The following DLGAP2 variants were observed in gnomAD, a reference collection of about 807,000 sequenced individuals.
The protein encoded by DLGAP2 is DLG associated protein 2, also known as disks large-associated protein 2.
In DLGAP2, 26 loss-of-function variants were observed where a neutral mutation model predicts 100.3. That is an observed-to-expected ratio of 0.26 (90% confidence interval 0.19 to 0.36). DLGAP2 has a LOEUF of 0.36. DLGAP2 is among the 10% of genes least tolerant of loss of function. The probability of loss-of-function intolerance (pLI) is 1.00; values close to 1 mark genes in which losing one functional copy is unlikely to be tolerated. For missense variants in DLGAP2, 1,858 were observed against 1,453.2 expected (o/e 1.28, Z -4.53); for synonymous variants, 886 against 630.1 (o/e 1.41, Z -6.08).
At chr8:1,228,801 G>A (rs369373722) in intron 2 of DLGAP2, among the ~76,000 whole-genome samples, 5 of 152,038 alleles carry the variant, frequency 3.3e-5, no homozygotes, top group African/African-American at 9.7e-5. Context: ...TAACATATAC[G>A]AACAACCTAT....
At chr8:1,589,977 T>G (rs1016667671) in intron 6 of DLGAP2, among the ~76,000 whole-genome samples, 1 of 152,182 alleles carries the variant, frequency 6.6e-6, no homozygotes, top group African/African-American at 2.4e-5. Flanking sequence ...CCTCTCCAGT[T>G]CTGGGAGCCA....
chr8:918,811 C>G (rs1798648642), intron 2 of DLGAP2, among the ~76,000 whole-genome samples: 1 of 152,160 alleles, frequency 6.6e-6, no homozygotes, highest in East Asian at 1.9e-4. Flanking sequence ...TGAAGACAAA[C>G]TGATATAGTT....
intron 6 of DLGAP2, among the ~76,000 whole-genome samples, chr8:1,581,407 AC>A (rs1228842348): frequency 1.3e-4 from 20 of 151,124 alleles, no homozygotes; most frequent in African/African-American, 4.6e-4. Context: ...TACAGAAAAA[AC>A]CCCACACACA....
intron 1 of DLGAP2, among the ~76,000 whole-genome samples, chr8:769,741 C>T (rs1402181054): frequency 1.3e-5 from 2 of 152,274 alleles, no homozygotes; most frequent in East Asian, 1.9e-4. Context: ...CCTAGGGACA[C>T]GAGCCTCTTG....
intron 3 of DLGAP2, among the ~76,000 whole-genome samples, chr8:1,271,452 A>G (rs891358299): frequency 6.6e-6 from 1 of 152,178 alleles, no homozygotes; most frequent in African/African-American, 2.4e-5. Flanking sequence ...TTTGTTGATT[A>G]TTCACTTCAT....
At chr8:1,158,571 T>A (rs13273049) in intron 2 of DLGAP2, among the ~76,000 whole-genome samples, 1 of 152,210 alleles carries the variant, frequency 6.6e-6, no homozygotes, top group East Asian at 1.9e-4. Context: ...CTGCTCTCTT[T>A]TCATGGCTTT....
intron 1 of DLGAP2, among the ~76,000 whole-genome samples, chr8:868,135 T>A (rs1454171638): frequency 6.6e-6 from 1 of 152,194 alleles, no homozygotes; most frequent in Non-Finnish European, 1.5e-5. Flanking sequence ...ATTATTTATA[T>A]TTAAGGAGTG....
intron 8 of DLGAP2, among the ~76,000 whole-genome samples, chr8:1,635,835 T>C (rs929928160): frequency 6.6e-6 from 1 of 152,212 alleles, no homozygotes; most frequent in Non-Finnish European, 1.5e-5. Flanking sequence ...CATGGACAGG[T>C]TGAGGTTCCC....
At position 1,360,319 on chromosome 8, in the gene DLGAP2, G is replaced by A. The variant is rs538940033; in HGVS notation, c.106+101436G>A. Among the ~76,000 whole-genome samples the A allele has an allele frequency of 1.6e-3, 219 of 140,752 alleles. 4 individuals are homozygous for A. Among genetic ancestry groups the A allele is most frequent in the African/African-American group, 5.6e-3 (214 of 38,078 alleles). The allele number at this position is 140,752 out of a possible 152,430, so 92.3% of individuals were successfully genotyped here. ...CCGGGGCGGGGCTTCTCCGGGGCGG[G>A]GCTTCTCCAGGACGGTGCTTTCAAC... On this transcript the variant is annotated intron_variant, in intron 3 of 14. Transcript: ENST00000637795.
intron 2 of DLGAP2, among the ~76,000 whole-genome samples, chr8:1,023,756 A>C (rs970926283): frequency 6.6e-6 from 1 of 151,792 alleles, no homozygotes; most frequent in Non-Finnish European, 1.5e-5. Flanking sequence ...GCCCCACCTC[A>C]TTCTGCAGCG....
At chr8:960,237 CTT>C (rs71528625) in intron 2 of DLGAP2, among the ~76,000 whole-genome samples, 2 of 44,640 alleles carry the variant, frequency 4.5e-5, no homozygotes, top group East Asian at 7.7e-4. Context: ...TGAAGTATAT[CTT>C]TTTTTTTTTT....
At chr8:1,292,708 A>C (rs1051037875) in intron 3 of DLGAP2, among the ~76,000 whole-genome samples, 18 of 152,156 alleles carry the variant, frequency 1.2e-4, no homozygotes, top group African/African-American at 4.3e-4. Context: ...ATGGGGCTTT[A>C]CTTTTCTTCT....
chr8:1,219,491 C>G (rs11785337), intron 2 of DLGAP2, among the ~76,000 whole-genome samples: 2 of 151,836 alleles, frequency 1.3e-5, no homozygotes, highest in African/African-American at 4.8e-5. Context: ...GGATTAGCAT[C>G]TTAATGTGCT....
intron 1 of DLGAP2, among the ~76,000 whole-genome samples, chr8:900,825 C>G (rs1475156152): frequency 6.6e-6 from 1 of 152,106 alleles, no homozygotes; most frequent in Non-Finnish European, 1.5e-5. Context: ...AACAAAAACA[C>G]AGAGAAACAG....
intron 3 of DLGAP2, among the ~76,000 whole-genome samples, chr8:1,341,568 A>G (rs1321950965): frequency 6.6e-6 from 1 of 152,150 alleles, no homozygotes; most frequent in Non-Finnish European, 1.5e-5. Flanking sequence ...TGGGAAGGAG[A>G]TGACTGTGGC....
At chr8:1,181,550 G>A (rs913078412) in intron 2 of DLGAP2, among the ~76,000 whole-genome samples, 5 of 151,800 alleles carry the variant, frequency 3.3e-5, no homozygotes, top group African/African-American at 1.2e-4. Context: ...GTTGAGGGTG[G>A]GAGAAGGGAG....
intron 13 of DLGAP2, among the ~76,000 whole-genome samples, chr8:1,694,382 C>T (rs1046560329): frequency 3.3e-5 from 5 of 152,274 alleles, no homozygotes; most frequent in Admixed American, 6.5e-5. Flanking sequence ...AGTCAAAGAG[C>T]GACCCTAGAA....
intron 6 of DLGAP2, among the ~76,000 whole-genome samples, chr8:1,577,884 G>C (rs144672043): frequency 2.0e-5 from 3 of 152,194 alleles, no homozygotes; most frequent in Admixed American, 6.5e-5. Context: ...AGCCCCGCCC[G>C]GTGCCTCCGA....
intron 3 of DLGAP2, among the ~76,000 whole-genome samples, chr8:1,298,949 C>T (rs965262708): frequency 1.3e-5 from 2 of 152,004 alleles, no homozygotes; most frequent in Non-Finnish European, 2.9e-5. Flanking sequence ...GGTCGAGCTG[C>T]GGCATTCACG....
Sources: gnomAD v4.1 joint callset for allele counts (sites outside exome capture counted in the v4.1 genomes callset) on GRCh38, gnomAD v4.1.1 for gene constraint, MANE v1.5 for transcripts, NCBI Gene and HGNC (gene_info 2026-07-23, HGNC 2026-07-21) for gene names.